TRAPPC2: variants seen among roughly 807,000 people sequenced by gnomAD.
TRAPPC2 encodes the protein trafficking protein particle complex subunit 2, also known as sedlin.
A neutral mutation model predicts 10.0 loss-of-function variants in TRAPPC2; 4 were observed. The observed-to-expected ratio is 0.40, with a 90% CI of 0.20 to 0.92. The LOEUF is 0.92. TRAPPC2 is among the 40% of genes least tolerant of loss of function. The probability of loss-of-function intolerance (pLI) is 0.35; values close to 1 mark genes in which losing one functional copy is unlikely to be tolerated. For missense variants in TRAPPC2, 52 were observed against 108.7 expected, an observed-to-expected ratio of 0.48 and a Z score of 2.32; for synonymous variants, 36 against 37.3, an observed-to-expected ratio of 0.97 and a Z score of 0.12.
In TRAPPC2 at chrX:13,715,735, T is replaced by C. The variant is rs762222932; in HGVS notation, c.324+269A>G. The C allele has an allele frequency of 9.5e-5, 79 of 829,826 alleles. No homozygotes were observed. In the African/African-American group the frequency reaches 1.6e-3, roughly 17 times the overall value. The allele number at this position is 829,826 out of a possible 1,213,427, so 68.4% of individuals were successfully genotyped here. ...CTGTCTTTAGGGATCCCTAATAAAATCAGCTATGAGGACAACAAGGTGAAG... is the reference window on the plus strand; with the variant it reads ...CTGTCTTTAGGGATCCCTAATAAAACCAGCTATGAGGACAACAAGGTGAAG... On this transcript the variant is annotated intron_variant, in intron 5 of 5. Transcript: ENST00000380579.
In TRAPPC2 at chrX:13,730,991, A is replaced by C. The variant is rs112820538; in HGVS notation, c.-20+3053T>G. ...AAATGATGAGTTAATGGGTGCAGCA[A>C]ACCAACATGGCACATGTATACCTAT... On this transcript the variant is annotated intron_variant, in intron 2 of 5. Transcript: ENST00000380579. Among the ~76,000 whole-genome samples, 921 of 111,156 alleles carry C rather than the reference A, an allele frequency of 8.3e-3. 9 individuals are homozygous for C. Among genetic ancestry groups the C allele is most frequent in the African/African-American group, 0.029 (874 of 30,476 alleles).
chrX:13,724,400 T>TAAAA (rs772302164), intron 2 of TRAPPC2, among the ~76,000 whole-genome samples: 12 of 82,326 alleles, frequency 1.5e-4, no homozygotes, highest in African/African-American at 4.5e-4. Context: ...AATATATATT[T>TAAAA]AAAAAAAAAA....
chrX:13,719,228 T>C (rs2046358420), intron 3 of TRAPPC2, among the ~76,000 whole-genome samples: 2 of 87,558 alleles, frequency 2.3e-5, no homozygotes, highest in African/African-American at 8.9e-5. Flanking sequence ...TCTTAAAATA[T>C]ATGGTCCATT....
intron 2 of TRAPPC2, among the ~76,000 whole-genome samples, chrX:13,723,796 G>A (rs2046480609): frequency 9.1e-6 from 1 of 110,407 alleles, no homozygotes; most frequent in Non-Finnish European, 1.9e-5. Flanking sequence ...TGAACAAGCA[G>A]AACAGTGGCC....
At chrX:13,714,856 G>A (rs898613268) in intron 5 of TRAPPC2, among the ~76,000 whole-genome samples, 2 of 111,953 alleles carry the variant, frequency 1.8e-5, no homozygotes, top group East Asian at 5.6e-4. Context: ...AAAAAAATCT[G>A]CCATGTGCTC....
chrX:13,718,891 C>T (rs942815017), intron 3 of TRAPPC2, among the ~76,000 whole-genome samples: 4 of 111,593 alleles, frequency 3.6e-5, no homozygotes, highest in African/African-American at 6.5e-5. Flanking sequence ...TGTAGTGGCT[C>T]ATGTCTGCAA....
At chrX:13,733,188 T>G (rs896239188) in intron 2 of TRAPPC2, among the ~76,000 whole-genome samples, 2 of 110,794 alleles carry the variant, frequency 1.8e-5, no homozygotes, top group Non-Finnish European at 3.8e-5. Flanking sequence ...CTTAACAACA[T>G]TTACAACATA....
intron 2 of TRAPPC2, among the ~76,000 whole-genome samples, chrX:13,728,151 A>G (rs2046594340): frequency 8.9e-6 from 1 of 112,081 alleles, no homozygotes; most frequent in South Asian, 3.6e-4. Context: ...ATGGATTCAC[A>G]TCCGAATTCT....
At chrX:13,722,916 A>T (rs1441440669) in intron 2 of TRAPPC2, among the ~76,000 whole-genome samples, 1 of 110,258 alleles carries the variant, frequency 9.1e-6, no homozygotes, top group Non-Finnish European at 1.9e-5. Context: ...ACAAAAAATT[A>T]GCCGAGTGTG....
chrX:13,716,955 A>C (rs1276777588), intron 3 of TRAPPC2, among the ~76,000 whole-genome samples: 1 of 105,559 alleles, frequency 9.5e-6, no homozygotes, highest in African/African-American at 3.5e-5. Context: ...TCTTTTTCAT[A>C]TAAATTTTTT....
rs146984183 is a variant in TRAPPC2, at chrX:13,733,815, C to T, written c.-20+229G>A. 3.3e-3 allele frequency among the ~76,000 whole-genome samples: 358 copies of T among 109,668 alleles called. 2 individuals carry two copies. The highest frequency in any genetic ancestry group is 0.011 in the African/African-American group (337 of 30,038). ...TTCCTGTGATGTTCTCCTTTTTGCT[C>T]ACCACCCGAATCCTACCCATCAAGG... is the stretch of plus-strand genomic sequence containing the variant. On this transcript the variant is annotated intron_variant, in intron 2 of 5. Coordinates refer to ENST00000380579, the MANE Select transcript of TRAPPC2 (RefSeq NM_001011658.4).
intron 3 of TRAPPC2, among the ~76,000 whole-genome samples, chrX:13,719,248 CAA>C (rs34856925): frequency 9.7e-6 from 1 of 103,261 alleles, no homozygotes. Context: ...TTCCTTGTCT[CAA>C]AAAAAAAAAA....
At chrX:13,725,241 G>C (rs904901317) in intron 2 of TRAPPC2, among the ~76,000 whole-genome samples, 2 of 113,098 alleles carry the variant, frequency 1.8e-5, no homozygotes, top group African/African-American at 6.4e-5. Context: ...TCTGAAGAGA[G>C]CAGTGGCTCC....
Position 13,734,170 on chromosome X carries a change from G to A in TRAPPC2, c.-146C>T, listed in dbSNP as rs192390430. The stretch of plus-strand genomic sequence containing the variant: ...GGAGACATCTTTGGTTGTCACACTT[G>A]GGGGAGAAGGTGATACTGACAAAAT... On this transcript the variant is annotated 5_prime_UTR_variant, in exon 2 of 6. Coordinates refer to ENST00000380579, the MANE Select transcript of TRAPPC2 (RefSeq NM_001011658.4). The A allele has an allele frequency of 4.0e-6, 2 of 501,607 alleles. No homozygotes were observed. The highest frequency in any genetic ancestry group is 7.2e-6 in the Non-Finnish European group (2 of 279,306). 41.3% of individuals were successfully genotyped at this position (501,607 alleles called of 1,213,427 possible). A position where few individuals can be genotyped will look rare whatever the true frequency, so the allele number is the denominator to read the frequency against.
chrX:13,733,576 T>A lies in TRAPPC2; in HGVS notation c.-20+468A>T, dbSNP rs1212547348. On this transcript the variant is annotated intron_variant, in intron 2 of 5. Transcript: ENST00000380579. ...CACTCTTACTGCCTCTTAAATACTT[T>A]AAGTTTTTCACAGCCAGAGATCAAA... 2.7e-5 allele frequency among the ~76,000 whole-genome samples: 3 copies of A among 111,817 alleles called. No individual in the cohort carries two copies. The Admixed American group carries it at 2.9e-4, about 11-fold the overall frequency.
At chrX:13,729,202 C>T (rs1271279159) in intron 2 of TRAPPC2, among the ~76,000 whole-genome samples, 1 of 111,433 alleles carries the variant, frequency 9.0e-6, no homozygotes, top group Non-Finnish European at 1.9e-5. Context: ...CACTGCCATC[C>T]CCATCAAGCT....
At chrX:13,715,838 C>T in intron 5 of TRAPPC2, 166 bp downstream of exon 5, 1 of 968,234 alleles carries the variant, frequency 1.0e-6, no homozygotes, top group Non-Finnish European at 1.3e-6. Context: ...ATTCACCTGG[C>T]TGTGAAGACT....
chrX:13,724,800 G>A (rs751429036), intron 2 of TRAPPC2, among the ~76,000 whole-genome samples: 1 of 112,613 alleles, frequency 8.9e-6, no homozygotes, highest in South Asian at 3.7e-4. Flanking sequence ...GCAGGGCGTC[G>A]CCTCACCCAG....
intron 3 of TRAPPC2, among the ~76,000 whole-genome samples, chrX:13,717,034 TA>T (rs1175025577): frequency 1.3e-3 from 51 of 37,934 alleles, no homozygotes; most frequent in East Asian, 0.01. Context: ...GATACTATGT[TA>T]AAAAAAAAAA....
Sources: allele counts gnomAD v4.1 joint callset (sites outside exome capture counted in the v4.1 genomes callset), GRCh38; gene constraint gnomAD v4.1.1; transcripts MANE v1.5; gene names NCBI Gene and HGNC (gene_info 2026-07-23, HGNC 2026-07-21).